Variants in SAMD12 observed in about 807,000 individuals in gnomAD.
The protein encoded by SAMD12 is sterile alpha motif domain containing 12.
Under a neutral mutation model 15.0 loss-of-function variants are expected in SAMD12, and 9 were observed. The observed-to-expected ratio is 0.60, with a 90% CI of 0.36 to 1.05. The LOEUF is 1.05. SAMD12 is among the 50% of genes least tolerant of loss of function. The probability of loss-of-function intolerance (pLI) is 0.01; values close to 1 mark genes in which losing one functional copy is unlikely to be tolerated. For missense variants in SAMD12, 230 were observed against 234.2 expected (o/e 0.98, Z 0.12); for synonymous variants, 86 against 90.1 (o/e 0.96, Z 0.25).
At chr8:118,545,276 G>A (rs1042268723) in intron 2 of SAMD12, among the ~76,000 whole-genome samples, 1 of 152,194 alleles carries the variant, frequency 6.6e-6, no homozygotes, top group African/African-American at 2.4e-5. Flanking sequence ...AGACCAGCCT[G>A]GCTAACACGG....
At chr8:118,532,786 C>A (rs1296436899) in intron 2 of SAMD12, among the ~76,000 whole-genome samples, 1 of 151,988 alleles carries the variant, frequency 6.6e-6, no homozygotes, top group Non-Finnish European at 1.5e-5. Flanking sequence ...GTGGTGATAT[C>A]CCCTTTATCA....
chr8:118,617,645 A>AT (rs1324290306), intron 1 of SAMD12, among the ~76,000 whole-genome samples: 1 of 151,818 alleles, frequency 6.6e-6, no homozygotes, highest in South Asian at 2.1e-4. Flanking sequence ...CATCCTCCCT[A>AT]TTTTTTTCAT....
chr8:118,463,980 C>T (rs1174999101), intron 2 of SAMD12, among the ~76,000 whole-genome samples: 3 of 152,146 alleles, frequency 2.0e-5, no homozygotes, highest in African/African-American at 7.2e-5. Flanking sequence ...TTTAATCTCT[C>T]TGTGAGACTA....
intron 3 of SAMD12, among the ~76,000 whole-genome samples, chr8:118,420,176 C>T (rs149064748): frequency 2.0e-4 from 30 of 152,248 alleles, no homozygotes; most frequent in African/African-American, 7.2e-4. Context: ...AATCTGATAA[C>T]TATCAAGGTA....
chr8:118,552,707 AGG>A lies in SAMD12; in HGVS notation c.192+28006_192+28007del, dbSNP rs1563579882. 8.2e-3 allele frequency among the ~76,000 whole-genome samples: 1,251 copies of A among 151,876 alleles called. 5 individuals are homozygous for A. Among genetic ancestry groups the A allele is most frequent in the Middle Eastern group, 0.031 (9 of 294 alleles). ...GCAATTAGGCAGGAGAAGGAAATAA[AGG>A]GTATTCAATTAGGAAAAGAGGAAGT... On this transcript the variant is annotated intron_variant, in intron 2 of 3. Coordinates refer to ENST00000314727, the MANE Select transcript of SAMD12 (RefSeq NM_207506.3).
At chr8:118,444,416 G>A (rs1822847191) in intron 2 of SAMD12, among the ~76,000 whole-genome samples, 1 of 152,112 alleles carries the variant, frequency 6.6e-6, no homozygotes, top group Non-Finnish European at 1.5e-5. Flanking sequence ...TCCTGGCCTT[G>A]CTACAGACAA....
chr8:118,272,072 T>C (rs1029117916), intron 4 of SAMD12, among the ~76,000 whole-genome samples: 4 of 152,208 alleles, frequency 2.6e-5, no homozygotes, highest in African/African-American at 7.2e-5. Context: ...CCTTCCACAG[T>C]GCCCTAGCAG....
intron 3 of SAMD12, among the ~76,000 whole-genome samples, chr8:118,387,725 A>G (rs1208665494): frequency 6.6e-6 from 1 of 152,110 alleles, no homozygotes; most frequent in Non-Finnish European, 1.5e-5. Flanking sequence ...ACACAAACCT[A>G]TATACTCCTC....
chr8:118,589,843 T>C (rs1827539002), intron 1 of SAMD12, among the ~76,000 whole-genome samples: 1 of 152,254 alleles, frequency 6.6e-6, no homozygotes, highest in Non-Finnish European at 1.5e-5. Flanking sequence ...TCATCTACTC[T>C]TTATTTTTTT....
At chr8:118,526,900 C>T (rs1825552094) in intron 2 of SAMD12, among the ~76,000 whole-genome samples, 1 of 152,184 alleles carries the variant, frequency 6.6e-6, no homozygotes, top group Admixed American at 6.5e-5. Flanking sequence ...ATTTGAGAGT[C>T]AGTTTCCTAT....
the SAMD12 span, among the ~76,000 whole-genome samples, chr8:118,146,705 T>C: frequency 6.6e-6 from 1 of 151,998 alleles, no homozygotes; most frequent in African/African-American, 2.4e-5. Flanking sequence ...GCCAAGGAGC[T>C]CTCAGAAGCA....
chr8:118,595,055 G>A (rs1387042345), intron 1 of SAMD12, among the ~76,000 whole-genome samples: 2 of 152,136 alleles, frequency 1.3e-5, no homozygotes, highest in Non-Finnish European at 2.9e-5. Flanking sequence ...GGCCATCAGA[G>A]AAGATACATA....
intron 4 of SAMD12, among the ~76,000 whole-genome samples, chr8:118,216,605 A>G (rs1340882584): frequency 6.6e-6 from 1 of 152,258 alleles, no homozygotes; most frequent in African/African-American, 2.4e-5. Flanking sequence ...AGAAGTAGCC[A>G]AGACCTACAG....
intron 4 of SAMD12, among the ~76,000 whole-genome samples, chr8:118,241,322 A>C (rs1812558547): frequency 6.6e-6 from 1 of 151,918 alleles, no homozygotes; most frequent in African/African-American, 2.4e-5. Flanking sequence ...AATTATCTGT[A>C]CTCATCACTT....
chr8:118,238,136 CT>C (rs1439111899), intron 4 of SAMD12, among the ~76,000 whole-genome samples: 4 of 152,126 alleles, frequency 2.6e-5, no homozygotes, highest in African/African-American at 9.7e-5. Flanking sequence ...CATTAAGCTT[CT>C]GTTTCCTCAT....
At chr8:118,332,283 CAAT>C (rs1410774078) in intron 4 of SAMD12, among the ~76,000 whole-genome samples, 1 of 152,200 alleles carries the variant, frequency 6.6e-6, no homozygotes, top group Non-Finnish European at 1.5e-5. Context: ...AATTCCCTGA[CAAT>C]GATGACGTAT....
chr8:118,336,306 C>G (rs1178174697), intron 4 of SAMD12, among the ~76,000 whole-genome samples: 1 of 152,202 alleles, frequency 6.6e-6, no homozygotes, highest in Non-Finnish European at 1.5e-5. Context: ...CATAATTGCT[C>G]TCTTCTATGG....
chr8:118,468,517 G>T (rs1030144970), intron 2 of SAMD12, among the ~76,000 whole-genome samples: 2 of 152,094 alleles, frequency 1.3e-5, no homozygotes. Flanking sequence ...TTGATATGAA[G>T]CAATGTTCTA....
the SAMD12 span, among the ~76,000 whole-genome samples, chr8:118,159,153 G>A: frequency 1.3e-5 from 2 of 152,080 alleles, no homozygotes; most frequent in African/African-American, 2.4e-5. Flanking sequence ...GCCCTTCAGG[G>A]AGCCCAGACC....
Sources: allele counts gnomAD v4.1 joint callset (sites outside exome capture counted in the v4.1 genomes callset), GRCh38; gene constraint gnomAD v4.1.1; transcripts MANE v1.5; gene names NCBI Gene and HGNC (gene_info 2026-07-23, HGNC 2026-07-21).